The following SMG6 variants were observed in gnomAD, a reference collection of about 807,000 sequenced individuals.
SMG6 encodes the protein telomerase-binding protein EST1A.
Under a neutral mutation model 142.2 loss-of-function variants are expected in SMG6, and 66 were observed. That is an observed-to-expected ratio of 0.46 (90% CI 0.38 to 0.57). The LOEUF (loss-of-function observed/expected upper bound fraction) is 0.57. SMG6 is among the 20% of genes least tolerant of loss of function. The probability of loss-of-function intolerance (pLI) is 0.00; values close to 1 mark genes in which losing one functional copy is unlikely to be tolerated. For synonymous variants in SMG6, 779 were observed against 702.4 expected, an observed-to-expected ratio of 1.11 and a Z score of -1.72; for missense variants, 1,793 against 1,832.0, an observed-to-expected ratio of 0.98 and a Z score of 0.39.
At chr17:2,274,162 G>C (rs961852853) in intron 8 of SMG6, among the ~76,000 whole-genome samples, 2 of 152,204 alleles carry the variant, frequency 1.3e-5, no homozygotes, top group African/African-American at 4.8e-5. Flanking sequence ...CAACAGTAAA[G>C]GTGAGTGGTG....
chr17:2,121,828 G>T (rs181182622), intron 13 of SMG6, among the ~76,000 whole-genome samples: 2 of 151,982 alleles, frequency 1.3e-5, no homozygotes, highest in African/African-American at 2.4e-5. Flanking sequence ...TGTTGCCCAG[G>T]CTGGTCTTTT....
At chr17:2,258,759 C>T (rs1826876375) in intron 8 of SMG6, among the ~76,000 whole-genome samples, 1 of 150,928 alleles carries the variant, frequency 6.6e-6, no homozygotes, top group African/African-American at 2.4e-5. Context: ...GATCACGCCA[C>T]TGCACTCCCA....
chr17:2,097,014 G>A (rs1357271317), intron 13 of SMG6, among the ~76,000 whole-genome samples: 5 of 152,134 alleles, frequency 3.3e-5, no homozygotes, highest in Non-Finnish European at 7.3e-5. Context: ...ATCACTCAGA[G>A]CCACAAGAGA....
At chr17:2,206,266 ATATTCATAGATACATGG>A (rs1265607034) in intron 10 of SMG6, among the ~76,000 whole-genome samples, 41 of 152,164 alleles carry the variant, frequency 2.7e-4, no homozygotes, top group African/African-American at 9.9e-4. Context: ...AATAAGTTAC[ATATTCATAGATACATGG>A]TGTTTTAAGA....
chr17:2,127,397 T>C lies in SMG6; in HGVS notation c.3358-41496A>G, dbSNP rs2069933714. 1.2e-5 allele frequency: 8 copies of C among 677,974 alleles called. 1 individual carries two copies. Among genetic ancestry groups the C allele is most frequent in the South Asian group, 1.1e-4 (8 of 71,948 alleles). The allele number at this position is 677,974 out of a possible 1,614,324, so 42.0% of individuals were successfully genotyped here. ...GAAATGGTTGAAATGGTAAATCCTT[T>C]TCCCCCCCTCTTTAAATAGACACTT... On this transcript the variant is annotated intron_variant, in intron 13 of 18. Transcript: ENST00000263073.
intron 13 of SMG6, among the ~76,000 whole-genome samples, chr17:2,110,128 T>C (rs2069272351): frequency 6.7e-6 from 1 of 150,176 alleles, no homozygotes; most frequent in Non-Finnish European, 1.5e-5. Flanking sequence ...CTAAAAGCTG[T>C]CACTTAATTC....
chr17:2,213,175 C>T (rs1174484287), intron 10 of SMG6, among the ~76,000 whole-genome samples: 3 of 152,258 alleles, frequency 2.0e-5, no homozygotes, highest in African/African-American at 7.2e-5. Context: ...TATTATAAAA[C>T]TCTACCTCAG....
chr17:2,107,051 C>A (rs1385212870), intron 13 of SMG6, among the ~76,000 whole-genome samples: 1 of 152,084 alleles, frequency 6.6e-6, no homozygotes, highest in African/African-American at 2.4e-5. Context: ...GTATTTTAGC[C>A]TGACATGTTG....
chr17:2,217,749 G>A (rs1203480127), intron 10 of SMG6, among the ~76,000 whole-genome samples: 3 of 151,898 alleles, frequency 2.0e-5, no homozygotes, highest in East Asian at 1.9e-4. Flanking sequence ...GGTGGCTCAC[G>A]CCTGCAATCC....
intron 13 of SMG6, among the ~76,000 whole-genome samples, chr17:2,113,362 C>T (rs1471522246): frequency 2.0e-5 from 3 of 152,200 alleles, no homozygotes; most frequent in Non-Finnish European, 4.4e-5. Flanking sequence ...AGGCATGAGC[C>T]ACTATGCTGG....
chr17:2,088,841 G>C (rs951520428), intron 13 of SMG6: 1 of 985,378 alleles, frequency 1.0e-6, no homozygotes, highest in Non-Finnish European at 1.2e-6. Flanking sequence ...TCTTAACTTG[G>C]GGGGAATAAG....
intron 13 of SMG6, among the ~76,000 whole-genome samples, chr17:2,130,101 A>G (rs1241707715): frequency 1.3e-5 from 2 of 151,342 alleles, no homozygotes; most frequent in Non-Finnish European, 2.9e-5. Context: ...CTACTAAAAA[A>G]TACAAAAAAT....
chr17:2,087,136 C>T (rs2068585289), intron 13 of SMG6: 1 of 1,290,518 alleles, frequency 7.7e-7, no homozygotes, highest in Non-Finnish European at 1.0e-6. Context: ...TGGACAGCAA[C>T]CCCTCTGGTG....
At chr17:2,126,390 T>C (rs1224225828) in intron 13 of SMG6, among the ~76,000 whole-genome samples, 3 of 152,122 alleles carry the variant, frequency 2.0e-5, no homozygotes, top group Non-Finnish European at 2.9e-5. Context: ...GATTTGGCAA[T>C]GATTTCTTGG....
At chr17:2,130,262 GTC>G (rs2070069073) in intron 13 of SMG6, among the ~76,000 whole-genome samples, 1 of 15,578 alleles carries the variant, frequency 6.4e-5, no homozygotes, top group South Asian at 1.3e-3. Flanking sequence ...GCGAGACTCC[GTC>G]TCAAAAAAAA....
chr17:2,298,043 C>T lies in SMG6; in HGVS notation c.1860G>A (p.Leu620=), dbSNP rs771663047. The change falls in exon 3 of 19, where the codon CTG becomes CTA. Residue 620 remains leucine (L), a synonymous_variant. Transcript: ENST00000263073. ...ATAGAATACAGCGCTCATATAGCTGCAGCAGTTCAGCTCTGGAATAAAATA... is the reference window on the plus strand; with the variant it reads ...ATAGAATACAGCGCTCATATAGCTGTAGCAGTTCAGCTCTGGAATAAAATA... ...EKMAQLRAEL[L]QLYERCILLD... 4.9e-5 allele frequency: 78 copies of T among 1,605,392 alleles called. 1 individual carries two copies. The highest frequency in any genetic ancestry group is 5.9e-5 in the Non-Finnish European group (69 of 1,177,678).
chr17:2,283,435 G>A (rs1343546784), intron 7 of SMG6, among the ~76,000 whole-genome samples, 190 bp downstream of exon 7: 1 of 152,120 alleles, frequency 6.6e-6, no homozygotes, highest in Non-Finnish European at 1.5e-5. Flanking sequence ...CTACCCACCA[G>A]CACAGTCTGA....
intron 4 of SMG6, among the ~76,000 whole-genome samples, chr17:2,295,982 C>T (rs1231325151): frequency 2.0e-5 from 3 of 152,082 alleles, no homozygotes; most frequent in East Asian, 1.9e-4. Flanking sequence ...TTCCCATCTC[C>T]ACGACCTCTA....
chr17:2,073,069 G>GTT (rs902593835), intron 15 of SMG6: 3 of 151,822 alleles, frequency 2.0e-5, no homozygotes, highest in Admixed American at 1.3e-4. Context: ...CTACTGATGT[G>GTT]TTTTTTTTGT....
Sources: allele counts gnomAD v4.1 joint callset (sites outside exome capture counted in the v4.1 genomes callset), GRCh38; gene constraint gnomAD v4.1.1; transcripts MANE v1.5; gene names NCBI Gene and HGNC (gene_info 2026-07-23, HGNC 2026-07-21).